PHACTR2: variants seen among roughly 807,000 people sequenced by gnomAD.
PHACTR2 encodes the protein chromosome 6 open reading frame 56.
Under a neutral mutation model 76.0 loss-of-function variants are expected in PHACTR2, and 30 were observed. The observed-to-expected ratio is 0.39, with a 90% confidence interval of 0.30 to 0.54. PHACTR2 has a LOEUF of 0.54. PHACTR2 is among the 20% of genes least tolerant of loss of function. PHACTR2 has a pLI of 0.61. For missense variants in PHACTR2, 696 were observed against 781.1 expected (o/e 0.89, Z 1.30); for synonymous variants, 292 against 292.5 (o/e 1.00, Z 0.02).
chr6:143,785,516 G>A lies in PHACTR2; in HGVS notation c.1707+2236G>A, dbSNP rs187045710. ...ATGCTGTTGGTGGATCTACCATTCTGGGTTCTGGAGGACAGTGACCCTCTT... is the reference window on the plus strand; with the variant it reads ...ATGCTGTTGGTGGATCTACCATTCTAGGTTCTGGAGGACAGTGACCCTCTT... On this transcript the variant is annotated intron_variant, in intron 10 of 12. Transcript: ENST00000440869. Among the ~76,000 whole-genome samples, 5 of 152,258 alleles carry A rather than the reference G, an allele frequency of 3.3e-5. No individual in the cohort carries two copies. In the East Asian group the frequency reaches 9.7e-4, roughly 29 times the overall value.
chr6:143,711,295 T>G (rs1313641824), intron 1 of PHACTR2, among the ~76,000 whole-genome samples: 1 of 152,350 alleles, frequency 6.6e-6, no homozygotes, highest in African/African-American at 2.4e-5. Context: ...CCATTAAAAT[T>G]TGATAGTTGG....
rs759636000 is a variant in PHACTR2 at position 143,598,425 on chromosome 6, C to G, written c.217+61218C>G. On this transcript the variant is annotated intron_variant, in intron 1 of 11. Coordinates refer to the PHACTR2 transcript ENST00000367584. The surrounding 1 kb of genome is among the most constrained non-coding windows in gnomAD (Gnocchi z 4.1). ...GCCCTTCAGAACACCTTGATTTGAG[C>G]CCTACAAGATAAGACTAATTTTGGA... Among the ~76,000 whole-genome samples, 5 of 151,120 alleles carry G rather than the reference C, an allele frequency of 3.3e-5. No homozygotes were observed. The highest frequency in any genetic ancestry group is 5.9e-5 in the Non-Finnish European group (4 of 67,250).
In PHACTR2 at chr6:143,743,612, C is replaced by G. The variant is rs1320122516; in HGVS notation, c.215-5373C>G. ...AGTGAAGATCTTGTTAAAAGCAGACCATTTTCTGACATTCTGTTTTCTGCA... is the reference window on the plus strand; with the variant it reads ...AGTGAAGATCTTGTTAAAAGCAGACGATTTTCTGACATTCTGTTTTCTGCA... On this transcript the variant is annotated intron_variant, in intron 2 of 12. Coordinates refer to ENST00000440869, the MANE Select transcript of PHACTR2 (RefSeq NM_001100164.2). This position sits in a 1 kb window ranked among gnomAD's most constrained non-coding sequence, Gnocchi z 5.0. Among the ~76,000 whole-genome samples, 1 of 152,024 alleles carries G rather than the reference C, an allele frequency of 6.6e-6. No individual in the cohort carries two copies. The highest frequency in any genetic ancestry group is 1.5e-5 in the Non-Finnish European group (1 of 67,998).
intron 1 of PHACTR2, among the ~76,000 whole-genome samples, chr6:143,613,140 C>T (rs1776007611): frequency 1.3e-5 from 2 of 152,214 alleles, no homozygotes; most frequent in African/African-American, 2.4e-5. Context: ...CCATGCCCGG[C>T]TAATTTTTAC....
rs1044818733 is a variant in PHACTR2, at chr6:143,624,095, T to G, written c.13+15773T>G. 4.6e-5 allele frequency among the ~76,000 whole-genome samples: 7 copies of G among 151,034 alleles called. No homozygotes were observed. Among genetic ancestry groups the G allele is most frequent in the Non-Finnish European group, 8.9e-5 (6 of 67,764 alleles). ...TAGCTCTGAAATCTTGTTAATTTTTTTTGTTGTTTTTTTTGTTTGTTTGTT... is the reference window on the plus strand; with the variant it reads ...TAGCTCTGAAATCTTGTTAATTTTTGTTGTTGTTTTTTTTGTTTGTTTGTT... On this transcript the variant is annotated intron_variant, in intron 1 of 11. Coordinates refer to the PHACTR2 transcript ENST00000305766. The surrounding 1 kb of genome is among the most constrained non-coding windows in gnomAD (Gnocchi z 4.6).
chr6:143,710,969 C>G lies in PHACTR2; in HGVS notation c.47-1047C>G, dbSNP rs1465863121. Reference sequence around the variant, plus strand: ...ATTATTTTTGACGGACATCAGTACACTTCACCTCTAAACACTTCAGCATAC... The same window carrying G: ...ATTATTTTTGACGGACATCAGTACAGTTCACCTCTAAACACTTCAGCATAC... On this transcript the variant is annotated intron_variant, in intron 1 of 12. Coordinates refer to ENST00000440869, the MANE Select transcript of PHACTR2 (RefSeq NM_001100164.2). This position sits in a 1 kb window ranked among gnomAD's most constrained non-coding sequence, Gnocchi z 4.9. 2.0e-6 allele frequency: 1 copy of G among 500,446 alleles called. No individual in the cohort carries two copies. The highest frequency in any genetic ancestry group is 4.0e-6 in the Non-Finnish European group (1 of 251,636). 31.0% of individuals were successfully genotyped at this position (500,446 alleles called of 1,614,324 possible).
chr6:143,707,599 A>G (rs1037839623), intron 1 of PHACTR2, among the ~76,000 whole-genome samples: 12 of 152,368 alleles, frequency 7.9e-5, no homozygotes, highest in African/African-American at 2.9e-4. Flanking sequence ...TGTCATATCT[A>G]TTAAATAGTA....
At chr6:143,567,645 T>C (rs7774139) in intron 1 of PHACTR2, among the ~76,000 whole-genome samples, 93,209 of 152,036 alleles carry the variant, frequency 0.61, 28,913 homozygotes, top group Middle Eastern at 0.72. Context: ...GTGATCCACC[T>C]ACCTCTGCCT....
In PHACTR2 at chr6:143,679,455, A is replaced by G. The variant is rs1453451084; in HGVS notation, c.46+1246A>G. On this transcript the variant is annotated intron_variant, in intron 1 of 12. Transcript: ENST00000440869. The surrounding 1 kb of genome is among the most constrained non-coding windows in gnomAD (Gnocchi z 4.6). ...AGGGGTTGAGTAGGATTTTAAATTT[A>G]GTAAACTATTTTGTGCAAATAAGAC... Among the ~76,000 whole-genome samples the G allele has an allele frequency of 1.3e-5, 2 of 152,214 alleles. No homozygotes were observed. Among genetic ancestry groups the G allele is most frequent in the African/African-American group, 4.8e-5 (2 of 41,456 alleles).
upstream of PHACTR2, among the ~76,000 whole-genome samples, chr6:143,606,646 T>G (rs1775877375): frequency 6.6e-6 from 1 of 152,152 alleles, no homozygotes; most frequent in Non-Finnish European, 1.5e-5. Flanking sequence ...TCCTCTTTTT[T>G]TTCTTAAAAA....
Position 143,801,821 on chromosome 6 carries a change from C to CAAATAAAA in PHACTR2, c.1846-5236_1846-5235insAAATAAAA, listed in dbSNP as rs1775961748. Among the ~76,000 whole-genome samples the CAAATAAAA allele has an allele frequency of 6.6e-6, 1 of 152,126 alleles. No homozygotes were observed. Among genetic ancestry groups the CAAATAAAA allele is most frequent in the Admixed American group, 6.6e-5 (1 of 15,260 alleles). ...TTCAGCCTTTCTGCCTTGGTTTCTC[C>CAAATAAAA]CCATCTTTGTGGTTTTATTTACCTT... On this transcript the variant is annotated intron_variant, in intron 11 of 12. Transcript: ENST00000440869. This position sits in a 1 kb window ranked among gnomAD's most constrained non-coding sequence, Gnocchi z 4.6.
In PHACTR2 at chr6:143,621,557, C is replaced by T. The variant is rs1016221240; in HGVS notation, c.13+13235C>T. Among the ~76,000 whole-genome samples, 1 of 152,160 alleles carries T rather than the reference C, an allele frequency of 6.6e-6. No individual in the cohort carries two copies. Among genetic ancestry groups the T allele is most frequent in the African/African-American group, 2.4e-5 (1 of 41,432 alleles). The stretch of plus-strand genomic sequence containing the variant: ...ATTTAATCACATTTACTGGCTTTCT[C>T]AAATTGAACATACCCCAACCCTTGA... On this transcript the variant is annotated intron_variant, in intron 1 of 11. Coordinates refer to the PHACTR2 transcript ENST00000305766. This position sits in a 1 kb window ranked among gnomAD's most constrained non-coding sequence, Gnocchi z 4.1.
rs118092034 is a variant in PHACTR2, at chr6:143,722,270, C to G, written c.214+10087C>G. Among the ~76,000 whole-genome samples, 172 of 152,110 alleles carry G rather than the reference C, an allele frequency of 1.1e-3. 2 individuals carry two copies. In the South Asian group the frequency reaches 0.021, roughly 19 times the overall value. On this transcript the variant is annotated intron_variant, in intron 2 of 12. Transcript: ENST00000440869. This position sits in a 1 kb window ranked among gnomAD's most constrained non-coding sequence, Gnocchi z 4.1. ...ATGTGGATATATGTACATATCATATCCACATTTCTTGGATGCTAGTTTCTC... is the reference window on the plus strand; with the variant it reads ...ATGTGGATATATGTACATATCATATGCACATTTCTTGGATGCTAGTTTCTC...
Position 143,654,355 on chromosome 6 carries a change from A to C in PHACTR2, c.13+46033A>C, listed in dbSNP as rs914782695. 4.6e-5 allele frequency among the ~76,000 whole-genome samples: 7 copies of C among 152,236 alleles called. No individual in the cohort carries two copies. Among genetic ancestry groups the C allele is most frequent in the African/African-American group, 1.7e-4 (7 of 41,462 alleles). On this transcript the variant is annotated intron_variant, in intron 1 of 11. Transcript: ENST00000305766. This position sits in a 1 kb window ranked among gnomAD's most constrained non-coding sequence, Gnocchi z 4.6. Reference sequence around the variant, plus strand: ...CTACTTCTAGGTATATACCCAAAAAAATGAAAACATATATTCACCAGAAAC... The same window carrying C: ...CTACTTCTAGGTATATACCCAAAAACATGAAAACATATATTCACCAGAAAC...
At chr6:143,538,147 G>A (rs554563925) in intron 1 of PHACTR2, among the ~76,000 whole-genome samples, 3 of 152,180 alleles carry the variant, frequency 2.0e-5, no homozygotes, top group African/African-American at 7.2e-5. Context: ...GCCCCTCTGC[G>A]GTAGCACCGG....
chr6:143,670,233 TTTTTG>T (rs1179292350), intron 1 of PHACTR2, among the ~76,000 whole-genome samples: 2 of 152,184 alleles, frequency 1.3e-5, no homozygotes, highest in African/African-American at 4.8e-5. Flanking sequence ...GATGGGCTTC[TTTTTG>T]TGGGTAACCC....
chr6:143,537,172 G>T lies in PHACTR2; in HGVS notation c.182G>T (p.Arg61Met). ...AGCGACCTCTCGTCGTCCTCGAGCA[G>T]GGGCCGCCCGCTCCGGGTCCACATC... The change falls in exon 1 of 12, where the codon AGG becomes ATG. Residue 61 changes from arginine (R) to methionine (M), a missense_variant. Physicochemically the swap from Arg to Met is moderately conservative, Grantham distance 91 (BLOSUM62 -1). Transcript: ENST00000367584. The surrounding 1 kb of genome is among the most constrained non-coding windows in gnomAD (Gnocchi z 4.4). 3.2e-6 allele frequency: 1 copy of T among 308,668 alleles called. No homozygotes were observed. The allele number at this position is 308,668 out of a possible 1,614,324, so 19.1% of individuals were successfully genotyped here.
chr6:143,677,985 C>T lies in PHACTR2; in HGVS notation c.-179C>T. 7.0e-7 allele frequency: 1 copy of T among 1,436,816 alleles called. No individual in the cohort carries two copies. Among genetic ancestry groups the T allele is most frequent in the Non-Finnish European group, 9.2e-7 (1 of 1,092,490 alleles). The allele number at this position is 1,436,816 out of a possible 1,614,324, so 89.0% of individuals were successfully genotyped here. ...CAGGCATCCGCTGGGCAGGATCCGC[C>T]GCGCCGGCTGCGGCCGGCCGGGCTG... On this transcript the variant is annotated 5_prime_UTR_variant, in exon 1 of 13. Coordinates refer to ENST00000440869, the MANE Select transcript of PHACTR2 (RefSeq NM_001100164.2).
At position 143,592,570 on chromosome 6, in the gene PHACTR2, C is replaced by T. The variant is rs190620824; in HGVS notation, c.217+55363C>T. ...TTCCCTTGATTTGGTCACTCATCCT[C>T]TTTCCGGTCGTTTGTTTATGCTCTT... On this transcript the variant is annotated intron_variant, in intron 1 of 11. Transcript: ENST00000367584. The surrounding 1 kb of genome is among the most constrained non-coding windows in gnomAD (Gnocchi z 4.0). 7.0e-4 allele frequency among the ~76,000 whole-genome samples: 106 copies of T among 152,284 alleles called. No homozygotes were observed. Among genetic ancestry groups the T allele is most frequent in the African/African-American group, 2.5e-3 (103 of 41,568 alleles).
Sources: gnomAD v4.1 joint callset for allele counts (sites outside exome capture counted in the v4.1 genomes callset) on GRCh38, gnomAD v4.1.1 for gene constraint, Gnocchi (gnomAD v3.1) non-coding constraint, MANE v1.5 for transcripts, NCBI Gene and HGNC (gene_info 2026-07-23, HGNC 2026-07-21) for gene names.